MC2R: variants seen among roughly 807,000 people sequenced by gnomAD.
MC2R encodes adrenocorticotropic hormone receptor.
A neutral mutation model predicts 9.8 loss-of-function variants in MC2R; 9 were observed. The observed-to-expected ratio is 0.92, with a 90% CI of 0.55 to 1.60. The LOEUF is 1.60. Among genes scored for constraint, MC2R ranks in the 40% most tolerant of loss-of-function variants. The probability of loss-of-function intolerance (pLI) is 0.00; values close to 1 mark genes in which losing one functional copy is unlikely to be tolerated. For synonymous variants in MC2R, 185 were observed against 154.7 expected (o/e 1.20, Z -1.45); for missense variants, 370 against 389.0 (o/e 0.95, Z 0.41).
At position 13,910,838 on chromosome 18, in the gene MC2R, T is replaced by G. The variant is rs533079195; in HGVS notation, c.-129+4650A>C. Among the ~76,000 whole-genome samples, 4 of 152,276 alleles carry G rather than the reference T, an allele frequency of 2.6e-5. No individual in the cohort carries two copies. In the East Asian group the frequency reaches 5.8e-4, roughly 22 times the overall value. ...TCATCACAACAGTGTTTGCCCCAAA[T>G]CATGCCAACCACAGTGGGGGAGCTG... On this transcript the variant is annotated intron_variant, in intron 1 of 1. Transcript: ENST00000327606.
chr18:13,914,956 T>A (rs968655193), intron 1 of MC2R, among the ~76,000 whole-genome samples: 5 of 152,218 alleles, frequency 3.3e-5, no homozygotes, highest in African/African-American at 1.2e-4. Context: ...AGCTAGTGGT[T>A]GAGAAAGGCA....
At chr18:13,900,657 G>T (rs1441520242) in intron 1 of MC2R, among the ~76,000 whole-genome samples, 1 of 152,030 alleles carries the variant, frequency 6.6e-6, no homozygotes, top group East Asian at 1.9e-4. Context: ...GACAAAGAAG[G>T]TCACTACATA....
chr18:13,908,936 A>G (rs989682274), intron 1 of MC2R, among the ~76,000 whole-genome samples: 4 of 152,214 alleles, frequency 2.6e-5, no homozygotes, highest in African/African-American at 4.8e-5. Flanking sequence ...TCATGTTAAC[A>G]TCTTACCTGA....
rs1249519256 is a variant in MC2R, at chr18:13,882,539, TGAC to T, written c.*2083_*2085del. ...TGAAGTTTCTTGGTGATTTTCCTTCTGACAACAGTCACATGCACAGCAGAGAGC... is the reference window on the plus strand; with the variant it reads ...TGAAGTTTCTTGGTGATTTTCCTTCTAACAGTCACATGCACAGCAGAGAGC... On this transcript the variant is annotated 3_prime_UTR_variant, in exon 2 of 2. Transcript: ENST00000327606. The T allele has an allele frequency of 6.6e-6, 1 of 152,230 alleles. No homozygotes were observed. The highest frequency in any genetic ancestry group is 2.4e-5 in the African/African-American group (1 of 41,466). 9.4% of individuals were successfully genotyped at this position (152,230 alleles called of 1,614,324 possible).
intron 1 of MC2R, among the ~76,000 whole-genome samples, chr18:13,901,926 CA>C (rs1404444372): frequency 1.3e-5 from 2 of 151,914 alleles, no homozygotes; most frequent in East Asian, 1.9e-4. Flanking sequence ...AAAGACACAT[CA>C]AAAAAAGAAA....
chr18:13,889,979 C>A (rs942102642), intron 1 of MC2R, among the ~76,000 whole-genome samples: 2 of 152,010 alleles, frequency 1.3e-5, no homozygotes, highest in African/African-American at 4.8e-5. Flanking sequence ...CTGTTTGGCT[C>A]CAAAAATGAT....
At chr18:13,895,538 G>A (rs2045340930) in intron 1 of MC2R, among the ~76,000 whole-genome samples, 1 of 152,158 alleles carries the variant, frequency 6.6e-6, no homozygotes, top group Non-Finnish European at 1.5e-5. Flanking sequence ...TTATTCAGCA[G>A]GAAGGGGCAG....
At chr18:13,887,592 G>A (rs1024130369) in intron 1 of MC2R, among the ~76,000 whole-genome samples, 7 of 152,204 alleles carry the variant, frequency 4.6e-5, no homozygotes, top group African/African-American at 1.4e-4. Context: ...TTCTGGGTGA[G>A]ATGCACATTT....
At chr18:13,892,881 C>G (rs1363869065) in intron 1 of MC2R, among the ~76,000 whole-genome samples, 1 of 151,834 alleles carries the variant, frequency 6.6e-6, no homozygotes, top group African/African-American at 2.4e-5. Flanking sequence ...GGCTGGAATA[C>G]AGTGGTGTGG....
At chr18:13,897,338 A>G (rs8084769) in intron 1 of MC2R, among the ~76,000 whole-genome samples, 73,910 of 152,020 alleles carry the variant, frequency 0.49, 18,406 homozygotes, top group Middle Eastern at 0.61. Flanking sequence ...GCCAGGGGGA[A>G]TCGCTGACCC....
chr18:13,890,544 G>A (rs141167546), intron 1 of MC2R, among the ~76,000 whole-genome samples: 114 of 152,252 alleles, frequency 7.5e-4, no homozygotes, highest in Non-Finnish European at 1.5e-3. Context: ...ATCTGCACGT[G>A]TCGGGGTGAG....
chr18:13,891,589 C>T (rs1299055565), intron 1 of MC2R, among the ~76,000 whole-genome samples: 1 of 152,212 alleles, frequency 6.6e-6, no homozygotes, highest in African/African-American at 2.4e-5. Flanking sequence ...GTGCAAAGTG[C>T]TGTCAGGCTT....
At chr18:13,899,307 C>T (rs2045364953) in intron 1 of MC2R, among the ~76,000 whole-genome samples, 1 of 150,374 alleles carries the variant, frequency 6.7e-6, no homozygotes, top group Admixed American at 6.6e-5. Flanking sequence ...TTTGAAAATA[C>T]ACAGTCAGAA....
chr18:13,903,364 A>C (rs1247960222), intron 1 of MC2R, among the ~76,000 whole-genome samples: 2 of 152,244 alleles, frequency 1.3e-5, no homozygotes, highest in Non-Finnish European at 2.9e-5. Flanking sequence ...AGGGAAGGAA[A>C]TCAGCATATT....
chr18:13,888,024 G>T (rs1399907081), intron 1 of MC2R, among the ~76,000 whole-genome samples: 1 of 152,096 alleles, frequency 6.6e-6, no homozygotes, highest in South Asian at 2.1e-4. Flanking sequence ...ACTCTGCTGG[G>T]ACAGATACTC....
In MC2R at chr18:13,885,144, A is replaced by G. The variant is rs566110069; in HGVS notation, c.375T>C (p.Ala125=). Residue 125 remains alanine, a synonymous_variant, in exon 2 of 2, where the codon GCT becomes GCC. Coordinates refer to ENST00000327606, the MANE Select transcript of MC2R (RefSeq NM_000529.2). ...GGAAGATGGTGATGTAGCGGTCCGC[A>G]GCAATCACAGACAGGCTGAAGATGG... ...LGSIFSLSVI[A]ADRYITIFHA... 4.4e-5 allele frequency: 71 copies of G among 1,614,202 alleles called. No homozygotes were observed. In the South Asian group the frequency reaches 7.4e-4, roughly 17 times the overall value.
intron 1 of MC2R, among the ~76,000 whole-genome samples, chr18:13,906,490 T>C (rs1190126916): frequency 6.6e-6 from 1 of 152,158 alleles, no homozygotes; most frequent in African/African-American, 2.4e-5. Flanking sequence ...CAAGCCACCA[T>C]GGTACATGTA....
intron 1 of MC2R, among the ~76,000 whole-genome samples, chr18:13,895,691 G>A (rs12961044): frequency 0.49 from 73,860 of 151,982 alleles, 18,385 homozygotes; most frequent in Middle Eastern, 0.61. Context: ...GAAGGGTGGG[G>A]AGGTGACGTC....
rs187307082 is a variant in MC2R at position 13,886,171 on chromosome 18, C to T, written c.-128-525G>A. On this transcript the variant is annotated intron_variant, in intron 1 of 1. Transcript: ENST00000327606. ...TAAAAGCCCAGGCTTCACCACTACA[C>T]GGTATATCCATGTAACAAAATGGCA... 7.2e-5 allele frequency among the ~76,000 whole-genome samples: 11 copies of T among 152,286 alleles called. No homozygotes were observed. The East Asian group carries it at 1.4e-3, about 19-fold the overall frequency.
Sources: gnomAD v4.1 joint callset for allele counts (sites outside exome capture counted in the v4.1 genomes callset) on GRCh38, gnomAD v4.1.1 for gene constraint, MANE v1.5 for transcripts, NCBI Gene and HGNC (gene_info 2026-07-23, HGNC 2026-07-21) for gene names.